Variants in MACIR observed in about 807,000 individuals in gnomAD.
MACIR encodes the protein UNC119-binding protein C5orf30.
In MACIR, 4 loss-of-function variants were observed where a neutral mutation model predicts 14.3. The ratio of observed to expected loss-of-function variants is 0.28; its 90% CI spans 0.14 to 0.64. The LOEUF is 0.64. Ranked by LOEUF, MACIR falls within the 30% of genes least tolerant of loss-of-function variation. The probability of loss-of-function intolerance (pLI) is 0.83; values close to 1 mark genes in which losing one functional copy is unlikely to be tolerated. For synonymous variants in MACIR, 101 were observed against 102.4 expected, an observed-to-expected ratio of 0.99 and a Z score of 0.08; for missense variants, 228 against 257.6, an observed-to-expected ratio of 0.89 and a Z score of 0.79.
intron 2 of MACIR, among the ~76,000 whole-genome samples, chr5:103,269,016 G>A (rs1805029890): frequency 6.6e-6 from 1 of 151,952 alleles, no homozygotes; most frequent in African/African-American, 2.4e-5. Context: ...GACCAGCCTG[G>A]ACAACATAGT....
rs1438959210 is a variant in MACIR, at chr5:103,276,769, G to A, written c.*229G>A. On this transcript the variant is annotated 3_prime_UTR_variant, in exon 3 of 3. Transcript: ENST00000319933. Reference sequence around the variant, plus strand: ...GCAACTGCAAAGAAAACAGAATGTTGACTGTTAGTTTGTATAGCTTTTTAG... The same window carrying A: ...GCAACTGCAAAGAAAACAGAATGTTAACTGTTAGTTTGTATAGCTTTTTAG... The A allele has an allele frequency of 2.4e-6, 1 of 409,796 alleles. No individual in the cohort carries two copies. The highest frequency in any genetic ancestry group is 4.5e-6 in the Non-Finnish European group (1 of 222,672). The allele number at this position is 409,796 out of a possible 1,614,324, so 25.4% of individuals were successfully genotyped here.
intron 2 of MACIR, among the ~76,000 whole-genome samples, chr5:103,275,085 A>G (rs544219439): frequency 6.6e-6 from 1 of 152,334 alleles, no homozygotes; most frequent in Admixed American, 6.5e-5. Flanking sequence ...ATTGAAAAGT[A>G]CAACGTCTTG....
At chr5:103,260,826 C>T (rs1373588981) in intron 1 of MACIR, among the ~76,000 whole-genome samples, 1 of 152,158 alleles carries the variant, frequency 6.6e-6, no homozygotes, top group Non-Finnish European at 1.5e-5. Flanking sequence ...CAGCTCCTTT[C>T]CTCCAGAGAG....
In MACIR at chr5:103,276,111, C is replaced by T. The variant is rs954369299; in HGVS notation, c.192C>T (p.Phe64=). Residue 64 remains phenylalanine (F), a synonymous_variant, in exon 3 of 3, where the codon TTC becomes TTT. Transcript: ENST00000319933. ...LHMDSNYLVG[F]TTGEELLKLA... Reference sequence around the variant, plus strand: ...TGGACTCTAACTATTTGGTTGGCTTCACGACTGGCGAGGAACTCCTGAAGT... The same window carrying T: ...TGGACTCTAACTATTTGGTTGGCTTTACGACTGGCGAGGAACTCCTGAAGT... 6.2e-7 allele frequency: 1 copy of T among 1,613,862 alleles called. No individual in the cohort carries two copies. The highest frequency in any genetic ancestry group is 8.5e-7 in the Non-Finnish European group (1 of 1,180,022).
chr5:103,276,239 A>G lies in MACIR; in HGVS notation c.320A>G (p.Tyr107Cys), dbSNP rs1554237693. 3 of 1,613,190 alleles carry G rather than the reference A, an allele frequency of 1.9e-6. No individual in the cohort carries two copies. The highest frequency in any genetic ancestry group is 1.3e-5 in the African/African-American group (1 of 74,640). The change falls in exon 3 of 3, where the codon TAT (tyrosine) becomes TGT (cysteine). Residue 107 changes from tyrosine to cysteine, a missense_variant. Coordinates refer to ENST00000319933, the MANE Select transcript of MACIR (RefSeq NM_033211.4). ...GGACTTGCCCGTTCCTCTCGTTTGT[A>G]TAAAACCAGAAGTAGGTACTACCAG... is the stretch of plus-strand genomic sequence containing the variant. ...DAGLARSSRL[Y>C]KTRSRYYQPY...
chr5:103,261,702 C>CTTTTT (rs1205786084), intron 1 of MACIR, among the ~76,000 whole-genome samples: 4 of 100,690 alleles, frequency 4.0e-5, no homozygotes, highest in African/African-American at 1.7e-4. Flanking sequence ...TTCTTTCTTT[C>CTTTTT]TTCCTTTCTT....
At chr5:103,264,331 G>A (rs76766926) in intron 1 of MACIR, among the ~76,000 whole-genome samples, 5,300 of 152,118 alleles carry the variant, frequency 0.035, 281 homozygotes, top group African/African-American at 0.12. Flanking sequence ...TTTTCTTCAT[G>A]GAGTAGTTAA....
chr5:103,261,369 A>G (rs540436432), intron 1 of MACIR, among the ~76,000 whole-genome samples: 1 of 152,354 alleles, frequency 6.6e-6, no homozygotes, highest in South Asian at 2.1e-4. Context: ...TAAGATGAGC[A>G]TCTAGGTGCA....
upstream of MACIR, chr5:103,258,746 G>C (rs868971631): frequency 2.0e-5 from 3 of 153,154 alleles, no homozygotes; most frequent in African/African-American, 7.2e-5. Flanking sequence ...GGTAGCTGGC[G>C]CCGAGCGCGG....
chr5:103,258,698 A>AGGAGGAGGCGGAGGAGGAGGC (rs1304909849), upstream of MACIR: 3 of 153,040 alleles, frequency 2.0e-5, no homozygotes, highest in African/African-American at 7.2e-5. Flanking sequence ...GAGGAGGCGG[A>AGGAGGAGGCGGAGGAGGAGGC]GGAGGAGGCG....
At chr5:103,259,997 C>T (rs1289935186) in intron 1 of MACIR, among the ~76,000 whole-genome samples, 5 of 152,124 alleles carry the variant, frequency 3.3e-5, no homozygotes, top group Admixed American at 6.5e-5. Context: ...GCCTCTCCTT[C>T]CACCTCAGTT....
In MACIR at chr5:103,276,229, T is replaced by G; in HGVS notation, c.310T>G (p.Ser104Ala). 1 of 1,613,204 alleles carries G rather than the reference T, an allele frequency of 6.2e-7. No individual in the cohort carries two copies. Among genetic ancestry groups the G allele is most frequent in the Non-Finnish European group, 8.5e-7 (1 of 1,179,884 alleles). The change falls in exon 3 of 3, where the codon TCT becomes GCT. Residue 104 changes from serine to alanine, a missense_variant. Transcript: ENST00000319933. ...KQLDAGLARS[S>A]RLYKTRSRYY... ...GCTAGATGCAGGACTTGCCCGTTCC[T>G]CTCGTTTGTATAAAACCAGAAGTAG...
At chr5:103,263,920 A>G (rs1804829449) in intron 1 of MACIR, among the ~76,000 whole-genome samples, 2 of 152,134 alleles carry the variant, frequency 1.3e-5, no homozygotes, top group Non-Finnish European at 2.9e-5. Flanking sequence ...TAGGAGAAAG[A>G]GTCCATGATT....
At chr5:103,264,732 A>G (rs1301859585) in intron 1 of MACIR, among the ~76,000 whole-genome samples, 1 of 152,150 alleles carries the variant, frequency 6.6e-6, no homozygotes, top group African/African-American at 2.4e-5. Flanking sequence ...TTCTTGGTGC[A>G]TTGGCTCCTT....
At chr5:103,272,244 A>G (rs1386992816) in intron 2 of MACIR, among the ~76,000 whole-genome samples, 1 of 152,182 alleles carries the variant, frequency 6.6e-6, no homozygotes, top group Non-Finnish European at 1.5e-5. Flanking sequence ...TATAGTCACC[A>G]TAGCTGAGTT....
rs1805393636 is a variant in MACIR, at chr5:103,277,886, T to A, written c.*1346T>A. ...TTTTGGGGTCTGTGAGTTTCTTAGG[T>A]ATTAGCAATCTTGCTTATAAAATAA... On this transcript the variant is annotated 3_prime_UTR_variant, in exon 3 of 3. Coordinates refer to ENST00000319933, the MANE Select transcript of MACIR (RefSeq NM_033211.4). 6.0e-6 allele frequency: 1 copy of A among 167,070 alleles called. No homozygotes were observed. Among genetic ancestry groups the A allele is most frequent in the Admixed American group, 6.5e-5 (1 of 15,290 alleles). 10.3% of individuals were successfully genotyped at this position (167,070 alleles called of 1,614,324 possible).
chr5:103,267,201 A>T (rs411648), intron 2 of MACIR, among the ~76,000 whole-genome samples: 44,862 of 151,966 alleles, frequency 0.3, 6,627 homozygotes, highest in Non-Finnish European at 0.32. Context: ...CCAAAATCTG[A>T]TGATACGTAA....
intron 2 of MACIR, among the ~76,000 whole-genome samples, chr5:103,269,122 C>T (rs1211909557): frequency 3.3e-5 from 5 of 151,958 alleles, no homozygotes; most frequent in African/African-American, 9.7e-5. Context: ...GTGGGAGGAT[C>T]GCTTGAGACC....
chr5:103,270,847 A>G (rs1226993018), intron 2 of MACIR, among the ~76,000 whole-genome samples: 4 of 152,138 alleles, frequency 2.6e-5, no homozygotes, highest in African/African-American at 7.2e-5. Context: ...GTTAAGTCAC[A>G]TTCTCAGCTT....
Sources: allele counts gnomAD v4.1 joint callset (sites outside exome capture counted in the v4.1 genomes callset), GRCh38; gene constraint gnomAD v4.1.1; transcripts MANE v1.5; gene names NCBI Gene and HGNC (gene_info 2026-07-23, HGNC 2026-07-21).